Variants in CDH13 observed in about 807,000 individuals in gnomAD.
CDH13 encodes cadherin-13.
A neutral mutation model predicts 63.8 loss-of-function variants in CDH13; 24 were observed. That is an observed-to-expected ratio of 0.38 (90% CI 0.27 to 0.53). The LOEUF is 0.53. Ranked by LOEUF, CDH13 falls within the 20% of genes least tolerant of loss-of-function variation. The probability of loss-of-function intolerance (pLI) is 0.85; values close to 1 mark genes in which losing one functional copy is unlikely to be tolerated. For missense variants in CDH13, 1,049 were observed against 903.1 expected, an observed-to-expected ratio of 1.16 and a Z score of -2.07; for synonymous variants, 503 against 355.3, an observed-to-expected ratio of 1.42 and a Z score of -4.67.
chr16:83,588,928 C>A (rs80165071), intron 7 of CDH13, among the ~76,000 whole-genome samples: 1 of 152,144 alleles, frequency 6.6e-6, no homozygotes, highest in East Asian at 1.9e-4. Context: ...GGAAACTCAG[C>A]GGTCACCCCC....
intron 8 of CDH13, among the ~76,000 whole-genome samples, chr16:83,622,912 C>G (rs1319121714): frequency 3.3e-5 from 5 of 152,132 alleles, no homozygotes; most frequent in African/African-American, 7.2e-5. Flanking sequence ...AATAAGGCAG[C>G]AAATTCTTGC....
At chr16:82,714,667 T>C (rs1191678646) in intron 1 of CDH13, among the ~76,000 whole-genome samples, 1 of 114,564 alleles carries the variant, frequency 8.7e-6, no homozygotes, top group African/African-American at 3.5e-5. Flanking sequence ...TGAGCCGAGA[T>C]CAATCCACTG....
chr16:83,475,874 C>G (rs992855589), intron 6 of CDH13, among the ~76,000 whole-genome samples: 1 of 152,128 alleles, frequency 6.6e-6, no homozygotes, highest in Non-Finnish European at 1.5e-5. Flanking sequence ...CATGAGCCAC[C>G]ATGCCTGGCC....
At position 83,701,238 on chromosome 16, in the gene CDH13, G is replaced by C. The variant is rs532211363; in HGVS notation, c.1538+22777G>C. The stretch of plus-strand genomic sequence containing the variant: ...ACTCTCAGTCCCTGAAAAGATGAGA[G>C]ACTCAGTGTCAGGATGTTTAGGAAC... On this transcript the variant is annotated intron_variant, in intron 10 of 13. Transcript: ENST00000567109. 1.9e-3 allele frequency among the ~76,000 whole-genome samples: 289 copies of C among 152,346 alleles called. 1 individual carries two copies. The highest frequency in any genetic ancestry group is 6.6e-3 in the African/African-American group (275 of 41,582).
rs34346635 is a variant in CDH13, at chr16:83,211,147, C to CA, written c.484-6182dup. ...TGGGTGACAGAGCAAGATTCCATCT[C>CA]AAAAAAAAAAAAAAAAGGTACTAGA... On this transcript the variant is annotated intron_variant, in intron 4 of 13. Coordinates refer to ENST00000567109, the MANE Select transcript of CDH13 (RefSeq NM_001257.5). Among the ~76,000 whole-genome samples, 735 of 77,230 alleles carry CA rather than the reference C, an allele frequency of 9.5e-3. 4 individuals are homozygous for CA. Among genetic ancestry groups the CA allele is most frequent in the Admixed American group, 0.031 (223 of 7,298 alleles). The allele number at this position is 77,230 out of a possible 152,430, so 50.7% of individuals were successfully genotyped here. A position where few individuals can be genotyped will look rare whatever the true frequency, so the allele number is the denominator to read the frequency against.
intron 3 of CDH13, among the ~76,000 whole-genome samples, chr16:83,062,659 C>T (rs1016438953): frequency 1.3e-5 from 2 of 152,156 alleles, no homozygotes; most frequent in Non-Finnish European, 2.9e-5. Flanking sequence ...GTCATAAAAG[C>T]AGGTAGAGAG....
intron 10 of CDH13, among the ~76,000 whole-genome samples, chr16:83,699,701 C>G (rs1905924273): frequency 6.6e-6 from 1 of 152,184 alleles, no homozygotes; most frequent in African/African-American, 2.4e-5. Context: ...TGTGATCTAA[C>G]TCACTGAGGA....
chr16:82,633,037 C>T (rs1908211544), intron 1 of CDH13, among the ~76,000 whole-genome samples: 1 of 152,202 alleles, frequency 6.6e-6, no homozygotes, highest in Non-Finnish European at 1.5e-5. Context: ...AATGCGAGTG[C>T]TGGGGGGCCA....
rs1397778977 is a variant in CDH13, at chr16:83,304,382, T to C, written c.637-40480T>C. Among the ~76,000 whole-genome samples the C allele has an allele frequency of 2.6e-5, 4 of 152,126 alleles. No individual in the cohort carries two copies. In the East Asian group the frequency reaches 7.7e-4, roughly 29 times the overall value. On this transcript the variant is annotated intron_variant, in intron 5 of 13. Transcript: ENST00000567109. Reference sequence around the variant, plus strand: ...TAGAAGGAGTCTGAATGGGACCATATAGCTGGTTAAGTGGGTGGGTTGGGG... The same window carrying C: ...TAGAAGGAGTCTGAATGGGACCATACAGCTGGTTAAGTGGGTGGGTTGGGG...
intron 7 of CDH13, among the ~76,000 whole-genome samples, chr16:83,598,855 C>G (rs904530952): frequency 1.1e-4 from 17 of 152,188 alleles, no homozygotes; most frequent in Admixed American, 2.6e-4. Context: ...CCCTAACCAC[C>G]TCCAAGTTTA....
chr16:83,228,458 C>T (rs1350789541), intron 5 of CDH13, among the ~76,000 whole-genome samples: 2 of 152,186 alleles, frequency 1.3e-5, no homozygotes, highest in African/African-American at 2.4e-5. Flanking sequence ...GGGACACTAT[C>T]ACTGTTCTTG....
chr16:83,186,428 C>A (rs1567488809), intron 4 of CDH13, among the ~76,000 whole-genome samples: 1 of 152,132 alleles, frequency 6.6e-6, no homozygotes, highest in Non-Finnish European at 1.5e-5. Flanking sequence ...TGAGCCACAG[C>A]GCCCGGCCTA....
chr16:83,704,687 T>C (rs1906742893), intron 10 of CDH13, among the ~76,000 whole-genome samples: 1 of 152,198 alleles, frequency 6.6e-6, no homozygotes, highest in Non-Finnish European at 1.5e-5. Flanking sequence ...GAATTTAAGC[T>C]CTGATAGAAA....
chr16:83,488,626 T>A lies in CDH13; in HGVS notation c.960+1971T>A, dbSNP rs962996878. Among the ~76,000 whole-genome samples, 8 of 152,174 alleles carry A rather than the reference T, an allele frequency of 5.3e-5. No individual in the cohort carries two copies. The South Asian group carries it at 1.2e-3, about 24-fold the overall frequency. On this transcript the variant is annotated intron_variant, in intron 7 of 13. Coordinates refer to ENST00000567109, the MANE Select transcript of CDH13 (RefSeq NM_001257.5). ...TCCCTATTTTTTTATTTTTTTATTT[T>A]TTTTATTTTATTTTATGAGACAGAG...
chr16:83,792,332 C>G (rs1265665270), intron 13 of CDH13, among the ~76,000 whole-genome samples: 2 of 152,142 alleles, frequency 1.3e-5, no homozygotes, highest in Non-Finnish European at 2.9e-5. Context: ...CCTCAAGTAA[C>G]CATCTCAATA....
At chr16:83,342,240 A>C (rs1192437934) in intron 5 of CDH13, among the ~76,000 whole-genome samples, 1 of 152,168 alleles carries the variant, frequency 6.6e-6, no homozygotes, top group Admixed American at 6.5e-5. Context: ...TTCGTATTCA[A>C]ACCTGTCTCA....
intron 1 of CDH13, among the ~76,000 whole-genome samples, chr16:82,738,556 C>G (rs2033791219): frequency 1.3e-5 from 2 of 152,200 alleles, no homozygotes; most frequent in South Asian, 4.1e-4. Flanking sequence ...CCTCCGCTAC[C>G]TTTTCTTAAT....
At chr16:82,751,551 A>G (rs140359776) in intron 1 of CDH13, among the ~76,000 whole-genome samples, 286 of 152,272 alleles carry the variant, frequency 1.9e-3, no homozygotes, top group African/African-American at 6.6e-3. Context: ...TGTCAGGTGC[A>G]TGTAACCCAC....
intron 2 of CDH13, among the ~76,000 whole-genome samples, chr16:82,868,923 C>CA (rs932489217): frequency 1.3e-5 from 2 of 151,934 alleles, no homozygotes; most frequent in South Asian, 2.1e-4. Context: ...AAAAACAAAA[C>CA]AAAAAAACTC....
Sources: allele counts gnomAD v4.1 joint callset (sites outside exome capture counted in the v4.1 genomes callset), GRCh38; gene constraint gnomAD v4.1.1; transcripts MANE v1.5; gene names NCBI Gene and HGNC (gene_info 2026-07-23, HGNC 2026-07-21).